Variants in PRKRIP1 observed in about 807,000 individuals in gnomAD.
The protein encoded by PRKRIP1 is PRKR interacting protein 1, also known as PRKR-interacting protein 1.
A neutral mutation model predicts 29.3 loss-of-function variants in PRKRIP1; 29 were observed. The ratio of observed to expected loss-of-function variants is 0.99; its 90% confidence interval spans 0.74 to 1.35. The LOEUF (loss-of-function observed/expected upper bound fraction) is 1.35, where lower values mean the gene tolerates loss of function less well. PRKRIP1 is among the 40% of genes most tolerant of loss of function. The pLI is 0.00. For missense variants in PRKRIP1, 247 were observed against 236.8 expected (o/e 1.04, Z -0.28); for synonymous variants, 90 against 85.1 (o/e 1.06, Z -0.32).
intron 5 of PRKRIP1, among the ~76,000 whole-genome samples, chr7:102,418,985 C>T (rs1449625624): frequency 6.6e-6 from 1 of 152,138 alleles, no homozygotes; most frequent in Non-Finnish European, 1.5e-5. Context: ...CATGAGCCAC[C>T]ACACCTGGCT....
At chr7:102,418,789 C>G (rs1349259123) in intron 5 of PRKRIP1, among the ~76,000 whole-genome samples, 6 of 152,178 alleles carry the variant, frequency 3.9e-5, no homozygotes, top group African/African-American at 1.2e-4. Flanking sequence ...TATGTGCAGT[C>G]CCTTCAGCCT....
At chr7:102,409,848 G>T (rs1355168428) in intron 5 of PRKRIP1, among the ~76,000 whole-genome samples, 1 of 151,454 alleles carries the variant, frequency 6.6e-6, no homozygotes, top group African/African-American at 2.4e-5. Context: ...AATAATAATA[G>T]ATCTCCTTTG....
chr7:102,396,617 A>G, intron 1 of PRKRIP1, 80 bp downstream of exon 1: 3 of 1,451,158 alleles, frequency 2.1e-6, no homozygotes, highest in African/African-American at 1.5e-5. Flanking sequence ...CCGCAGGTCC[A>G]CCTTCCCCGC....
At chr7:102,408,913 C>T (rs1796301401) in intron 5 of PRKRIP1, among the ~76,000 whole-genome samples, 1 of 152,022 alleles carries the variant, frequency 6.6e-6, no homozygotes, top group South Asian at 2.1e-4. Flanking sequence ...GTGGCTCATG[C>T]CTGTAATCCC....
intron 3 of PRKRIP1, among the ~76,000 whole-genome samples, chr7:102,402,168 T>TG (rs1554571257): frequency 6.6e-6 from 1 of 152,042 alleles, no homozygotes; most frequent in East Asian, 1.9e-4. Context: ...TCAAGCTGGG[T>TG]GCGGCAGCTC....
chr7:102,415,588 TACA>T (rs1554572992), intron 5 of PRKRIP1, among the ~76,000 whole-genome samples: 1 of 152,250 alleles, frequency 6.6e-6, no homozygotes, highest in Admixed American at 6.5e-5. Flanking sequence ...CTTCTGCCTT[TACA>T]ACAATACCCA....
chr7:102,399,706 C>T, intron 3 of PRKRIP1, 58 bp downstream of exon 3: 3 of 1,401,568 alleles, frequency 2.1e-6, no homozygotes, highest in Non-Finnish European at 3.0e-6. Flanking sequence ...CGTGTACTTT[C>T]TTTAGAAAAA....
intron 5 of PRKRIP1, among the ~76,000 whole-genome samples, chr7:102,413,269 G>C (rs1371023926): frequency 6.6e-6 from 1 of 152,176 alleles, no homozygotes; most frequent in East Asian, 1.9e-4. Flanking sequence ...GTTCCTGTCT[G>C]AGAGCTCCTG....
rs782402810 is a variant in PRKRIP1, at chr7:102,424,969, T to C, written c.458-45T>C. The C allele has an allele frequency of 5.0e-6, 8 of 1,592,348 alleles. No individual in the cohort carries two copies. The African/African-American group carries it at 1.1e-4, about 22-fold the overall frequency. ...TCCTCTTTGAAAGCACCCTTGACCC[T>C]GAACGATTTTGCATGTCTGTAATTT... On this transcript the variant is annotated intron_variant, in intron 5 of 5. Transcript: ENST00000397912.
chr7:102,421,606 A>G (rs149442388), intron 5 of PRKRIP1, among the ~76,000 whole-genome samples: 2,767 of 152,230 alleles, frequency 0.018, 44 homozygotes, highest in Non-Finnish European at 0.03. Context: ...AGACCATCCT[A>G]GCTAACACGG....
intron 2 of PRKRIP1, among the ~76,000 whole-genome samples, chr7:102,398,018 T>A (rs1358586536): frequency 2.6e-5 from 4 of 151,636 alleles, no homozygotes; most frequent in Admixed American, 2.0e-4. Flanking sequence ...CTGCACTCCA[T>A]CCTGGGCAAC....
chr7:102,415,398 G>C (rs1796507232), intron 5 of PRKRIP1, among the ~76,000 whole-genome samples: 2 of 152,128 alleles, frequency 1.3e-5, no homozygotes, highest in Admixed American at 6.5e-5. Context: ...CACCACACCA[G>C]CTAATTTTTG....
chr7:102,409,497 T>C (rs2133183150), intron 5 of PRKRIP1, among the ~76,000 whole-genome samples: 1 of 152,244 alleles, frequency 6.6e-6, no homozygotes, highest in East Asian at 1.9e-4. Context: ...GAGACCAGCC[T>C]GGGCAGCATA....
intron 5 of PRKRIP1, among the ~76,000 whole-genome samples, chr7:102,408,463 G>A (rs960889477): frequency 3.9e-5 from 6 of 152,272 alleles, no homozygotes; most frequent in South Asian, 4.1e-4. Flanking sequence ...GCATCCCACC[G>A]TGCTGCCAAT....
At position 102,419,845 on chromosome 7, in the gene PRKRIP1, TTGTGTGTGTGTGTGTGTGTGTG is replaced by T. The variant is rs56752508; in HGVS notation, c.458-5139_458-5118del. 4.9e-4 allele frequency among the ~76,000 whole-genome samples: 70 copies of T among 142,818 alleles called. 1 individual carries two copies. Among genetic ancestry groups the T allele is most frequent in the Admixed American group, 3.2e-3 (46 of 14,204 alleles). 93.7% of individuals were successfully genotyped at this position (142,818 alleles called of 152,430 possible). ...TGTGTGCTACTGTTTTTTTGTGTTTTTGTGTGTGTGTGTGTGTGTGTGTGTGTGTGTGTGTGTGTGTGTGTGT... is the reference window on the plus strand; with the variant it reads ...TGTGTGCTACTGTTTTTTTGTGTTTTTGTGTGTGTGTGTGTGTGTGTGTGT... On this transcript the variant is annotated intron_variant, in intron 5 of 5. Transcript: ENST00000397912.
At chr7:102,409,506 T>G (rs1796320298) in intron 5 of PRKRIP1, among the ~76,000 whole-genome samples, 1 of 152,012 alleles carries the variant, frequency 6.6e-6, no homozygotes, top group African/African-American at 2.4e-5. Flanking sequence ...CTGGGCAGCA[T>G]AGTAAGACCC....
intron 5 of PRKRIP1, among the ~76,000 whole-genome samples, chr7:102,408,393 T>G (rs1202863660): frequency 6.6e-6 from 1 of 152,206 alleles, no homozygotes; most frequent in Non-Finnish European, 1.5e-5. Context: ...ATTGCCACCC[T>G]AGCCAGATCC....
At chr7:102,424,577 G>C (rs540969430) in intron 5 of PRKRIP1, among the ~76,000 whole-genome samples, 6 of 152,346 alleles carry the variant, frequency 3.9e-5, no homozygotes, top group South Asian at 4.1e-4. Context: ...GCGTATGTGT[G>C]GGGGGCAGAG....
chr7:102,411,196 T>A (rs1272466916), intron 5 of PRKRIP1, among the ~76,000 whole-genome samples: 1 of 152,190 alleles, frequency 6.6e-6, no homozygotes, highest in Non-Finnish European at 1.5e-5. Context: ...CCCAAGTAGC[T>A]GAGACCTCAG....
Sources: gnomAD v4.1 joint callset for allele counts (sites outside exome capture counted in the v4.1 genomes callset) on GRCh38, gnomAD v4.1.1 for gene constraint, MANE v1.5 for transcripts, NCBI Gene and HGNC (gene_info 2026-07-23, HGNC 2026-07-21) for gene names.